The following TASOR2 variants were observed in gnomAD, a reference collection of about 807,000 sequenced individuals.
The protein encoded by TASOR2 is transcription activation suppressor family member 2, also known as protein TASOR 2.
A neutral mutation model predicts 199.5 loss-of-function variants in TASOR2; 84 were observed. The ratio of observed to expected loss-of-function variants is 0.42; its 90% confidence interval spans 0.35 to 0.50. The LOEUF is 0.50. Ranked by LOEUF, TASOR2 falls within the 20% of genes least tolerant of loss-of-function variation. TASOR2 has a pLI of 0.02. For missense variants in TASOR2, 2,796 were observed against 2,835.9 expected, an observed-to-expected ratio of 0.99 and a Z score of 0.32; for synonymous variants, 1,103 against 1,046.6, an observed-to-expected ratio of 1.05 and a Z score of -1.04.
chr10:5,734,751 CAG>C (rs1835328816), intron 11 of TASOR2, among the ~76,000 whole-genome samples: 2 of 93,482 alleles, frequency 2.1e-5, no homozygotes, highest in Non-Finnish European at 3.9e-5. Flanking sequence ...TTTTTTGAGA[CAG>C]GGTCTCACTC....
intron 1 of TASOR2, among the ~76,000 whole-genome samples, chr10:5,693,821 T>TTTCCC (rs1836791670): frequency 6.6e-6 from 1 of 152,232 alleles, no homozygotes; most frequent in Admixed American, 6.5e-5. Context: ...GATAACTTCA[T>TTTCCC]AGAATATTTG....
At chr10:5,723,116 A>G (rs1296815872) in intron 6 of TASOR2, among the ~76,000 whole-genome samples, 1 of 136,036 alleles carries the variant, frequency 7.4e-6, no homozygotes, top group Admixed American at 8.4e-5. Flanking sequence ...CAGCGGCACA[A>G]TCTCAGCTCA....
rs941736529 is a variant in TASOR2 at position 5,720,785 on chromosome 10, G to A, written c.46+11G>A. On this transcript the variant is annotated intron_variant, in intron 5 of 20. Transcript: ENST00000328090. This position sits in a 1 kb window ranked among gnomAD's most constrained non-coding sequence, Gnocchi z 5.3. ...AACGCAGTGAAAATGGTAAGAAATA[G>A]TTCATTGATTCTTTTAGGTTTTTTT... 2 of 1,607,696 alleles carry A rather than the reference G, an allele frequency of 1.2e-6. No homozygotes were observed. The highest frequency in any genetic ancestry group is 1.7e-6 in the Non-Finnish European group (2 of 1,178,276).
At chr10:5,747,043 T>C (rs1452862027) in exon 15 of TASOR2, 1 of 1,614,166 alleles carries the variant, frequency 6.2e-7, no homozygotes, top group East Asian at 2.2e-5. Context: ...TGAAGTGGAC[T>C]CATCATCAGC....
exon 15 of TASOR2, chr10:5,749,113 T>G (rs1430584706): frequency 1.9e-6 from 3 of 1,613,980 alleles, no homozygotes; most frequent in Non-Finnish European, 2.5e-6. Context: ...TCCCGGGCAC[T>G]GGACTGCTGC....
At position 5,732,707 on chromosome 10, in the gene TASOR2, C is replaced by T. The variant is rs561176195; in HGVS notation, c.1204+1504C>T. Among the ~76,000 whole-genome samples the T allele has an allele frequency of 2.4e-3, 364 of 149,490 alleles. 1 individual carries two copies. Among genetic ancestry groups the T allele is most frequent in the African/African-American group, 8.3e-3 (340 of 41,000 alleles). The stretch of plus-strand genomic sequence containing the variant: ...GGAGTAGCTGGAACTACAGGGGTGC[C>T]CCACTAATTTTTAAAATTTTTTTGT... On this transcript the variant is annotated intron_variant, in intron 11 of 20. Coordinates refer to ENST00000328090, the Ensembl canonical transcript of TASOR2.
In TASOR2 at chr10:5,740,096, AG is replaced by A; in HGVS notation, c.1927del (p.Asp643MetfsTer32). 6.2e-7 allele frequency: 1 copy of A among 1,614,142 alleles called. No homozygotes were observed. Among genetic ancestry groups the A allele is most frequent in the Non-Finnish European group, 8.5e-7 (1 of 1,180,036 alleles). ...TTACTGAGGAAATGCTAGAATCTTC[AG>A]ATGCAAGCCAAAGCTCTTCTGTTTC... is the stretch of plus-strand genomic sequence containing the variant. On this transcript the variant is annotated frameshift_variant, in exon 13 of 21. Transcript: ENST00000328090. LOFTEE classifies it high-confidence loss of function. This position sits in a 1 kb window ranked among gnomAD's most constrained non-coding sequence, Gnocchi z 5.3.
rs562662282 is a variant in TASOR2, at chr10:5,722,270, C to T, written c.146+1300C>T. On this transcript the variant is annotated intron_variant, in intron 6 of 20. Coordinates refer to ENST00000328090, the Ensembl canonical transcript of TASOR2. This position sits in a 1 kb window ranked among gnomAD's most constrained non-coding sequence, Gnocchi z 4.0. ...AGGAGTTTGAGACCAACCTGGGCAA[C>T]ATGGCGAAACCCTCTCCCTAATAAA... Among the ~76,000 whole-genome samples, 7 of 152,016 alleles carry T rather than the reference C, an allele frequency of 4.6e-5. No homozygotes were observed. The highest frequency in any genetic ancestry group is 1.7e-4 in the African/African-American group (7 of 41,452).
chr10:5,723,725 A>G (rs778715512), exon 7 of TASOR2: 12 of 1,605,466 alleles, frequency 7.5e-6, no homozygotes, highest in East Asian at 2.2e-5. Context: ...CTTCCTTGAA[A>G]AAAAGACTAC....
In TASOR2 at chr10:5,748,016, C is replaced by T. The variant is rs768470298; in HGVS notation, c.4595C>T (p.Ala1532Val). 1 of 1,612,708 alleles carries T rather than the reference C, an allele frequency of 6.2e-7. No individual in the cohort carries two copies. The highest frequency in any genetic ancestry group is 1.1e-5 in the South Asian group (1 of 90,656). The stretch of plus-strand genomic sequence containing the variant: ...GAGTTAAACCAGCCTGCCTCAGCTG[C>T]CAAATGCACAGGTGACTTCAGTCCT... Residue 1532 changes from alanine to valine, a missense_variant, in exon 15 of 21, where the codon GCC becomes GTC. This residue lies in a region of TASOR2 where 1,941 missense variants were observed against 1,924.9 expected (regional missense o/e 1.01). Coordinates refer to ENST00000328090, the Ensembl canonical transcript of TASOR2. The surrounding 1 kb of genome is among the most constrained non-coding windows in gnomAD (Gnocchi z 5.1).
rs563880078 is a variant in TASOR2 at position 5,754,711 on chromosome 10, A to T, written c.6607-1902A>T. On this transcript the variant is annotated intron_variant, in intron 15 of 20. Coordinates refer to ENST00000328090, the Ensembl canonical transcript of TASOR2. This position sits in a 1 kb window ranked among gnomAD's most constrained non-coding sequence, Gnocchi z 4.3. ...CGTGGTGTCACTGTTTACAACAGAA[A>T]ATAACAAATGTGCAAAGGTAAAACT... Among the ~76,000 whole-genome samples the T allele has an allele frequency of 7.0e-4, 107 of 152,296 alleles. 2 individuals are homozygous for T. The highest frequency in any genetic ancestry group is 2.5e-3 in the African/African-American group (105 of 41,556).
In TASOR2 at chr10:5,742,056, A is replaced by AT; in HGVS notation, c.2328-37dup. 6.3e-7 allele frequency: 1 copy of AT among 1,578,054 alleles called. No homozygotes were observed. On this transcript the variant is annotated intron_variant, in intron 13 of 20. Transcript: ENST00000328090. The surrounding 1 kb of genome is among the most constrained non-coding windows in gnomAD (Gnocchi z 4.2). ...GATAAGGTAATCAACTAAAATAACCATTTTCAATGATTTTCATGTGTTCTT... is the reference window on the plus strand; with the variant it reads ...GATAAGGTAATCAACTAAAATAACCATTTTTCAATGATTTTCATGTGTTCTT...
Position 5,757,149 on chromosome 10 carries a change from G to A in TASOR2, c.6733-371G>A, listed in dbSNP as rs568867907. On this transcript the variant is annotated intron_variant, in intron 16 of 20. Transcript: ENST00000328090. ...CAAAGGCTGGGTGCATAAACCTGCCGTCATCAGCAGGCAGTCGTCGGTGCT... is the reference window on the plus strand; with the variant it reads ...CAAAGGCTGGGTGCATAAACCTGCCATCATCAGCAGGCAGTCGTCGGTGCT... 1.8e-4 allele frequency among the ~76,000 whole-genome samples: 27 copies of A among 152,320 alleles called. No individual in the cohort carries two copies. The South Asian group carries it at 4.8e-3, about 27-fold the overall frequency.
intron 11 of TASOR2, among the ~76,000 whole-genome samples, chr10:5,732,840 G>A (rs1230601429): frequency 3.9e-5 from 6 of 152,172 alleles, no homozygotes; most frequent in African/African-American, 1.4e-4. Context: ...ACCCAACCTT[G>A]GTTTTATCCT....
At chr10:5,747,736 T>A in exon 15 of TASOR2, 1 of 1,614,060 alleles carries the variant, frequency 6.2e-7, no homozygotes, top group Non-Finnish European at 8.5e-7. Flanking sequence ...CAACCAAATC[T>A]CCCAATGTGA....
chr10:5,749,691 C>A, exon 15 of TASOR2: 1 of 1,614,142 alleles, frequency 6.2e-7, no homozygotes, highest in South Asian at 1.1e-5. Flanking sequence ...CTGTTTCATT[C>A]CACCTCAACA....
rs776735510 is a variant in TASOR2 at position 5,731,254 on chromosome 10, C to T, written c.1204+51C>T. 4.6e-6 allele frequency: 7 copies of T among 1,528,734 alleles called. 1 individual carries two copies. The highest frequency in any genetic ancestry group is 2.4e-5 in the South Asian group (2 of 82,772). 94.7% of individuals were successfully genotyped at this position (1,528,734 alleles called of 1,614,324 possible). On this transcript the variant is annotated intron_variant, in intron 11 of 20. Transcript: ENST00000328090. Reference sequence around the variant, plus strand: ...TATTATAATAATAGTTGTGGCCAGGCGTTGGTGGCTCATGCCTGTAATCCC... The same window carrying T: ...TATTATAATAATAGTTGTGGCCAGGTGTTGGTGGCTCATGCCTGTAATCCC...
At chr10:5,741,750 C>T (rs1306142561) in intron 13 of TASOR2, among the ~76,000 whole-genome samples, 1 of 152,210 alleles carries the variant, frequency 6.6e-6, no homozygotes, top group East Asian at 1.9e-4. Flanking sequence ...TGGGTATTGG[C>T]GAAACCATTT....
intron 3 of TASOR2, among the ~76,000 whole-genome samples, chr10:5,718,627 C>T (rs1041582251): frequency 7.9e-5 from 12 of 151,872 alleles, no homozygotes; most frequent in East Asian, 1.9e-4. Context: ...GACGTGGTGG[C>T]GGGTGCCTGT....
Sources: gnomAD v4.1 joint callset for allele counts (sites outside exome capture counted in the v4.1 genomes callset) on GRCh38, gnomAD v4.1.1 for gene constraint, gnomAD v4.1.1 regional missense constraint, Gnocchi (gnomAD v3.1) non-coding constraint, MANE v1.5 for transcripts, NCBI Gene and HGNC (gene_info 2026-07-23, HGNC 2026-07-21) for gene names.